Variants in DNAH5 observed in about 807,000 individuals in gnomAD.
DNAH5 encodes the protein dynein axonemal heavy chain 5, also known as axonemal beta dynein heavy chain 5.
A neutral mutation model predicts 518.2 loss-of-function variants in DNAH5; 372 were observed. The ratio of observed to expected loss-of-function variants is 0.72; its 90% confidence interval spans 0.66 to 0.78. The LOEUF (loss-of-function observed/expected upper bound fraction) is 0.78, where lower values mean the gene tolerates loss of function less well. Among genes scored for constraint, DNAH5 ranks in the 30% least tolerant of loss-of-function variants. DNAH5 has a pLI of 0.00. For synonymous variants in DNAH5, 2,039 were observed against 2,025.9 expected, an observed-to-expected ratio of 1.01 and a Z score of -0.17; for missense variants, 5,523 against 5,687.0, an observed-to-expected ratio of 0.97 and a Z score of 0.93.
chr5:13,794,755 G>A (rs1247041069), intron 47 of DNAH5, among the ~76,000 whole-genome samples: 3 of 152,132 alleles, frequency 2.0e-5, no homozygotes, highest in South Asian at 4.1e-4. Context: ...CACGAGGTCA[G>A]GAGATCGAGA....
intron 1 of DNAH5, among the ~76,000 whole-genome samples, chr5:13,961,280 A>G (rs1315977709): frequency 6.6e-6 from 1 of 152,248 alleles, no homozygotes; most frequent in Non-Finnish European, 1.5e-5. Flanking sequence ...GTACGTTTCC[A>G]GTATGTGTAA....
chr5:13,739,566 T>G (rs1434511869), intron 65 of DNAH5, among the ~76,000 whole-genome samples: 2 of 152,206 alleles, frequency 1.3e-5, no homozygotes, highest in African/African-American at 2.4e-5. Flanking sequence ...ACAGTAGGTT[T>G]TATAGATTCT....
chr5:13,743,205 T>C lies in DNAH5; in HGVS notation c.11212-5710A>G, dbSNP rs189000930. ...ATATATTGATAGATAGGTAGGTAGA[T>C]AGAGAGATAGATGATAGATAAAAGT... On this transcript the variant is annotated intron_variant, in intron 65 of 78. Transcript: ENST00000265104. Among the ~76,000 whole-genome samples, 499 of 152,144 alleles carry C rather than the reference T, an allele frequency of 3.3e-3. 1 individual carries two copies. The highest frequency in any genetic ancestry group is 5.6e-3 in the Non-Finnish European group (381 of 67,940).
chr5:13,778,975 C>G (rs1200350529), intron 53 of DNAH5, among the ~76,000 whole-genome samples: 1 of 152,172 alleles, frequency 6.6e-6, no homozygotes, highest in East Asian at 1.9e-4. Flanking sequence ...AAAAGTCACA[C>G]AAGACTAGAA....
At chr5:13,807,446 T>C (rs1287601924) in intron 47 of DNAH5, 145 bp downstream of exon 47, 2 of 741,602 alleles carry the variant, frequency 2.7e-6, no homozygotes, top group Non-Finnish European at 2.3e-6. Flanking sequence ...AGTTGAATAA[T>C]TGAAAGAATG....
chr5:13,879,691 C>T (rs1312427125), intron 21 of DNAH5, among the ~76,000 whole-genome samples: 1 of 150,956 alleles, frequency 6.6e-6, no homozygotes, highest in Non-Finnish European at 1.5e-5. Context: ...CCACAGAAGA[C>T]TAGATCAAGC....
intron 12 of DNAH5, among the ~76,000 whole-genome samples, chr5:13,904,996 CA>C (rs1344259651): frequency 1.3e-5 from 2 of 151,900 alleles, no homozygotes; most frequent in African/African-American, 4.8e-5. Context: ...AAATAATAAC[CA>C]AAAGAAAGTC....
chr5:13,735,440 T>G (rs1161535088), intron 67 of DNAH5, 119 bp from the exon 68 acceptor site: 4 of 949,590 alleles, frequency 4.2e-6, no homozygotes, highest in Non-Finnish European at 1.6e-6. Flanking sequence ...TTTTTACACA[T>G]CAAGAGAAAG....
rs575561660 is a variant in DNAH5 at position 13,984,978 on chromosome 5, T to C, written c.12+26670A>G. Among the ~76,000 whole-genome samples the C allele has an allele frequency of 4.2e-3, 632 of 152,252 alleles. 6 individuals are homozygous for C. Among genetic ancestry groups the C allele is most frequent in the Middle Eastern group, 0.024 (7 of 294 alleles). Reference sequence around the variant, plus strand: ...ATGCTGCTATAAAGACACATGCACATGTATGTTTATTGCGGCACTACTCAC... The same window carrying C: ...ATGCTGCTATAAAGACACATGCACACGTATGTTTATTGCGGCACTACTCAC... On this transcript the variant is annotated intron_variant, in intron 1 of 78. Coordinates refer to the DNAH5 transcript ENST00000681290.
intron 1 of DNAH5, among the ~76,000 whole-genome samples, chr5:13,951,210 T>A (rs1389015117): frequency 2.9e-4 from 2 of 6,806 alleles, no homozygotes; most frequent in African/African-American, 5.6e-4. Context: ...TTTTTTTCGT[T>A]TTTTTTTTTT....
chr5:13,941,002 AT>A (rs576625629), intron 1 of DNAH5, among the ~76,000 whole-genome samples: 1 of 152,222 alleles, frequency 6.6e-6, no homozygotes, highest in Non-Finnish European at 1.5e-5. Flanking sequence ...CTATGGCATG[AT>A]AATGATGGGG....
At chr5:13,984,593 C>A (rs1364932145) in intron 1 of DNAH5, among the ~76,000 whole-genome samples, 1 of 152,230 alleles carries the variant, frequency 6.6e-6, no homozygotes, top group African/African-American at 2.4e-5. Context: ...GAGAGGGCAT[C>A]CCTGTCTTGT....
At position 13,839,493 on chromosome 5, in the gene DNAH5, C is replaced by A. The variant is rs775769384; in HGVS notation, c.5745G>T (p.Glu1915Asp). The A allele has an allele frequency of 1.8e-5, 29 of 1,613,958 alleles. No homozygotes were observed. Among genetic ancestry groups the A allele is most frequent in the Non-Finnish European group, 2.5e-5 (29 of 1,179,968 alleles). The change falls in exon 35 of 79, where the codon GAG becomes GAT. Residue 1915 changes from glutamate (E) to aspartate (D), a missense_variant. Physicochemically the swap from Glu to Asp is conservative, Grantham distance 45. This residue lies in a region of DNAH5 where 5,121 missense variants were observed against 5,223.3 expected (regional missense o/e 0.98). Coordinates refer to ENST00000265104, the MANE Select transcript of DNAH5 (RefSeq NM_001369.3). ...AGTAAAATCTGCACTGTTTCAGCCA[C>A]TCAAAGTCCATGGGACTCTTGATAT... Reference protein sequence around the residue: ...HMHIKSPMDFEWLKQCRFYFN... With the variant: ...HMHIKSPMDFDWLKQCRFYFN...
At chr5:13,991,976 GAACGGACTTTTA>G (rs1490905400) in intron 1 of DNAH5, among the ~76,000 whole-genome samples, 1 of 152,166 alleles carries the variant, frequency 6.6e-6, no homozygotes, top group Admixed American at 6.5e-5. Flanking sequence ...GAAGCAGAAT[GAACGGACTTTTA>G]AACAGTAATC....
At chr5:13,700,563 AAAT>A in intron 78 of DNAH5, 74 bp downstream of exon 78, 1 of 1,389,172 alleles carries the variant, frequency 7.2e-7, no homozygotes, top group Non-Finnish European at 1.0e-6. Flanking sequence ...ATGATAACAA[AAAT>A]AATGAAATCC....
chr5:13,706,044 T>C (rs1032698980), intron 76 of DNAH5, among the ~76,000 whole-genome samples: 2 of 152,160 alleles, frequency 1.3e-5, no homozygotes, highest in African/African-American at 4.8e-5. Context: ...CGGTGGTACT[T>C]TGTTATGGCA....
intron 52 of DNAH5, among the ~76,000 whole-genome samples, chr5:13,782,558 C>A (rs1034766703): frequency 2.5e-4 from 38 of 152,258 alleles, no homozygotes; most frequent in Non-Finnish European, 4.4e-5. Flanking sequence ...GAGGCACAGA[C>A]GGTGGGTAAG....
chr5:13,946,846 C>T (rs1204518614), upstream of DNAH5, among the ~76,000 whole-genome samples: 1 of 152,204 alleles, frequency 6.6e-6, no homozygotes, highest in Non-Finnish European at 1.5e-5. Flanking sequence ...AACAAAAGCT[C>T]GTGAGTGCCT....
rs1280894186 is a variant in DNAH5, at chr5:13,870,854, G to A, written c.3747C>T (p.Asp1249=). 3.1e-6 allele frequency: 5 copies of A among 1,613,660 alleles called. No individual in the cohort carries two copies. Among genetic ancestry groups the A allele is most frequent in the Middle Eastern group, 3.3e-4 (2 of 6,056 alleles). ...CCATTGCAATCCGAATATCATCTAG[G>A]TCCTTAATTGGACGATTTAGTTTCT... The part of the protein sequence containing the change: ...FNKKLNRPIK[D]LDDIRIAMAA... Residue 1249 remains aspartate, a synonymous_variant, in exon 24 of 79, where the codon GAC becomes GAT. Coordinates refer to ENST00000265104, the MANE Select transcript of DNAH5 (RefSeq NM_001369.3).
Sources: gnomAD v4.1 joint callset for allele counts (sites outside exome capture counted in the v4.1 genomes callset) on GRCh38, gnomAD v4.1.1 for gene constraint, gnomAD v4.1.1 regional missense constraint, MANE v1.5 for transcripts, NCBI Gene and HGNC (gene_info 2026-07-23, HGNC 2026-07-21) for gene names.